The following UNC79 variants were observed in gnomAD, a reference collection of about 807,000 sequenced individuals.
UNC79 encodes the protein protein unc-79 homolog.
A neutral mutation model predicts 283.1 loss-of-function variants in UNC79; 37 were observed. That is an observed-to-expected ratio of 0.13 (90% CI 0.10 to 0.17). The LOEUF (loss-of-function observed/expected upper bound fraction) is 0.17, where lower values mean the gene tolerates loss of function less well. Among genes scored for constraint, UNC79 ranks in the 10% least tolerant of loss-of-function variants. The pLI, the probability that UNC79 is intolerant of heterozygous loss-of-function variation, is 1.00. For synonymous variants in UNC79, 1,107 were observed against 1,200.2 expected, an observed-to-expected ratio of 0.92 and a Z score of 1.61; for missense variants, 2,272 against 3,211.1, an observed-to-expected ratio of 0.71 and a Z score of 7.07.
chr14:93,686,960 C>A (rs1029902271), intron 43 of UNC79, among the ~76,000 whole-genome samples: 3 of 152,174 alleles, frequency 2.0e-5, no homozygotes, highest in African/African-American at 7.2e-5. Flanking sequence ...GAAACTGAGG[C>A]TTGGGGTGGT....
In UNC79 at chr14:93,405,718, A is replaced by G. The variant is rs1322483165; in HGVS notation, c.-350-61953A>G. Among the ~76,000 whole-genome samples the G allele has an allele frequency of 2.6e-5, 4 of 152,262 alleles. 1 individual carries two copies. Among genetic ancestry groups the G allele is most frequent in the East Asian group, 1.9e-4 (1 of 5,208 alleles). On this transcript the variant is annotated intron_variant, in intron 1 of 49. Transcript: ENST00000256339. ...ATTTAAAGAGGAATTCACAATGCCA[A>G]TTACAAAAATATTCAGAATCAAATG... is the stretch of plus-strand genomic sequence containing the variant.
intron 5 of UNC79, among the ~76,000 whole-genome samples, chr14:93,491,692 G>A (rs1480997179): frequency 6.6e-6 from 1 of 152,148 alleles, no homozygotes; most frequent in South Asian, 2.1e-4. Flanking sequence ...CTGACAAATT[G>A]TAAATTCTCA....
At chr14:93,552,479 G>C (rs2061949583) in intron 14 of UNC79, among the ~76,000 whole-genome samples, 1 of 152,100 alleles carries the variant, frequency 6.6e-6, no homozygotes, top group East Asian at 1.9e-4. Context: ...TGTTAGTTTG[G>C]AGACTTGCAG....
chr14:93,583,317 C>CAA (rs112879763), intron 20 of UNC79, among the ~76,000 whole-genome samples: 4 of 124,606 alleles, frequency 3.2e-5, no homozygotes, highest in African/African-American at 1.2e-4. Context: ...AAACTCTGCT[C>CAA]AAAAAAAAAA....
chr14:93,509,007 C>A (rs114799111), intron 7 of UNC79, among the ~76,000 whole-genome samples: 1 of 152,196 alleles, frequency 6.6e-6, no homozygotes, highest in African/African-American at 2.4e-5. Flanking sequence ...TTAATTGGCT[C>A]ATGGTTCTGT....
intron 30 of UNC79, among the ~76,000 whole-genome samples, chr14:93,630,327 T>C (rs1233018568): frequency 6.6e-6 from 1 of 152,210 alleles, no homozygotes; most frequent in African/African-American, 2.4e-5. Flanking sequence ...CATTTTTGTT[T>C]GTATATTTTT....
At chr14:93,603,839 A>G (rs1458103057) in intron 26 of UNC79, among the ~76,000 whole-genome samples, 1 of 151,850 alleles carries the variant, frequency 6.6e-6, no homozygotes, top group Non-Finnish European at 1.5e-5. Flanking sequence ...TTTTTTTTTC[A>G]TGTCTGATAG....
intron 1 of UNC79, among the ~76,000 whole-genome samples, chr14:93,376,712 TG>T (rs947854677): frequency 1.3e-5 from 2 of 152,174 alleles, no homozygotes; most frequent in African/African-American, 4.8e-5. Flanking sequence ...TTGCCTTGTT[TG>T]GGTATAGTGT....
At chr14:93,528,526 G>GA in intron 8 of UNC79, 32 bp from the exon 9 acceptor site, 1 of 1,597,946 alleles carries the variant, frequency 6.3e-7, no homozygotes, top group Non-Finnish European at 8.6e-7. Flanking sequence ...CCAGGAACAG[G>GA]AGAGTTCATT....
chr14:93,599,983 C>T (rs1245153581), intron 24 of UNC79, among the ~76,000 whole-genome samples: 3 of 152,090 alleles, frequency 2.0e-5, no homozygotes, highest in African/African-American at 4.8e-5. Flanking sequence ...GGGCAGATCA[C>T]GAGGTCAGGA....
intron 47 of UNC79, among the ~76,000 whole-genome samples, chr14:93,696,414 T>C (rs2075132373): frequency 6.6e-6 from 1 of 152,246 alleles, no homozygotes; most frequent in Non-Finnish European, 1.5e-5. Flanking sequence ...GCTGTTGTGC[T>C]CTGTTACATC....
chr14:93,646,676 C>T (rs1157919912), intron 35 of UNC79, 30 bp downstream of exon 38: 6 of 1,612,084 alleles, frequency 3.7e-6, no homozygotes, highest in Non-Finnish European at 4.2e-6. Flanking sequence ...CCAGATCTCA[C>T]TTTCTTTTCT....
chr14:93,624,484 G>A (rs1230974899), intron 30 of UNC79, among the ~76,000 whole-genome samples: 2 of 152,100 alleles, frequency 1.3e-5, no homozygotes, highest in African/African-American at 4.8e-5. Context: ...CGAAGCTGAG[G>A]TCTACAGGGT....
At chr14:93,566,639 ATTT>A (rs33917214) in intron 14 of UNC79, among the ~76,000 whole-genome samples, 1 of 136,274 alleles carries the variant, frequency 7.3e-6, no homozygotes. Context: ...AGTTTCTGGA[ATTT>A]TTTTTTTTTT....
At chr14:93,366,990 G>C (rs1259175349) in intron 1 of UNC79, among the ~76,000 whole-genome samples, 1 of 152,146 alleles carries the variant, frequency 6.6e-6, no homozygotes, top group African/African-American at 2.4e-5. Context: ...TTGATTCCCA[G>C]TGTTCCTGAG....
chr14:93,383,296 G>A (rs1251118148), intron 1 of UNC79, among the ~76,000 whole-genome samples: 2 of 152,176 alleles, frequency 1.3e-5, no homozygotes, highest in African/African-American at 4.8e-5. Context: ...AGTGGGAGCT[G>A]GGGTTGTTGA....
intron 1 of UNC79, among the ~76,000 whole-genome samples, chr14:93,340,609 T>C (rs2053687749): frequency 6.6e-6 from 1 of 151,800 alleles, no homozygotes; most frequent in African/African-American, 2.4e-5. Context: ...ATCACTCTGT[T>C]TCCCAGGCTG....
intron 1 of UNC79, 26 bp from the exon 2 acceptor site, chr14:93,467,645 T>TGG: frequency 1.8e-6 from 2 of 1,088,410 alleles, no homozygotes; most frequent in Non-Finnish European, 2.2e-6. Context: ...TTTTTTTTTT[T>TGG]TTTTTTTTTT....
chr14:93,482,785 A>G (rs1396343116), intron 4 of UNC79, among the ~76,000 whole-genome samples: 1 of 152,042 alleles, frequency 6.6e-6, no homozygotes, highest in Non-Finnish European at 1.5e-5. Context: ...TTCCCTTTTT[A>G]GCCCTCCTAC....
Sources: allele counts gnomAD v4.1 joint callset (sites outside exome capture counted in the v4.1 genomes callset), GRCh38; gene constraint gnomAD v4.1.1; transcripts MANE v1.5; gene names NCBI Gene and HGNC (gene_info 2026-07-23, HGNC 2026-07-21).